The following IKZF2 variants were observed in gnomAD, a reference collection of about 807,000 sequenced individuals.
IKZF2 encodes IKAROS family zinc finger 2.
A neutral mutation model predicts 49.2 loss-of-function variants in IKZF2; 15 were observed. The ratio of observed to expected loss-of-function variants is 0.30; its 90% CI spans 0.20 to 0.47. IKZF2 has a LOEUF of 0.47. Ranked by LOEUF, IKZF2 falls within the 20% of genes least tolerant of loss-of-function variation. IKZF2 has a pLI of 1.00. For synonymous variants in IKZF2, 227 were observed against 221.4 expected (o/e 1.03, Z -0.23); for missense variants, 567 against 664.6 (o/e 0.85, Z 1.61).
At chr2:213,094,856 G>T (rs1705789466) in intron 4 of IKZF2, among the ~76,000 whole-genome samples, 1 of 152,116 alleles carries the variant, frequency 6.6e-6, no homozygotes, top group Non-Finnish European at 1.5e-5. Context: ...CCAGATGACA[G>T]ACTAGGAGAA....
chr2:213,064,673 T>A (rs1250416613), intron 4 of IKZF2, among the ~76,000 whole-genome samples: 1 of 152,030 alleles, frequency 6.6e-6, no homozygotes, highest in Admixed American at 6.6e-5. Flanking sequence ...TATCCCTTTA[T>A]CCAACCTTTC....
chr2:213,063,701 C>G (rs1701912472), intron 4 of IKZF2, among the ~76,000 whole-genome samples: 1 of 151,886 alleles, frequency 6.6e-6, no homozygotes, highest in African/African-American at 2.4e-5. Context: ...TGTTAAGTGG[C>G]TATTGAAAGG....
At chr2:213,015,693 A>C (rs926370526) in intron 7 of IKZF2, among the ~76,000 whole-genome samples, 1 of 152,006 alleles carries the variant, frequency 6.6e-6, no homozygotes, top group Non-Finnish European at 1.5e-5. Flanking sequence ...TATTAGAAAT[A>C]ACAATAAAAC....
Position 213,053,774 on chromosome 2 carries a change from G to A in IKZF2, c.406+3059C>T, listed in dbSNP as rs140994621. On this transcript the variant is annotated intron_variant, in intron 5 of 8. Transcript: ENST00000434687. The stretch of plus-strand genomic sequence containing the variant: ...CCAGTGAAGAGTGCCTGGAGTATCC[G>A]ATGACAATATTACCTGATTACTTAC... 5.4e-3 allele frequency among the ~76,000 whole-genome samples: 824 copies of A among 152,190 alleles called. 3 individuals are homozygous for A. The highest frequency in any genetic ancestry group is 0.014 in the Middle Eastern group (4 of 294).
In IKZF2 at chr2:213,134,271, A is replaced by C. The variant is rs191828909; in HGVS notation, c.139+13437T>G. On this transcript the variant is annotated intron_variant, in intron 4 of 8. Transcript: ENST00000434687. ...TCCTTCTTCATTGCCATCTCCCAAG[A>C]GGGGGAAAAAAAGCAGAGAAAGTTC... Among the ~76,000 whole-genome samples, 26 of 152,286 alleles carry C rather than the reference A, an allele frequency of 1.7e-4. No individual in the cohort carries two copies. The East Asian group carries it at 4.8e-3, about 28-fold the overall frequency.
At chr2:213,088,585 C>T (rs1275358699) in intron 4 of IKZF2, among the ~76,000 whole-genome samples, 1 of 151,984 alleles carries the variant, frequency 6.6e-6, no homozygotes, top group Non-Finnish European at 1.5e-5. Context: ...ATGGTGAAAC[C>T]TCCTCTCTAG....
Position 213,006,214 on chromosome 2 carries a change from A to G in IKZF2, c.*1146T>C, listed in dbSNP as rs1695333011. The G allele has an allele frequency of 1.3e-5, 2 of 152,276 alleles. No homozygotes were observed. Among genetic ancestry groups the G allele is most frequent in the Non-Finnish European group, 2.9e-5 (2 of 67,978 alleles). The allele number at this position is 152,276 out of a possible 1,614,324, so 9.4% of individuals were successfully genotyped here. A position where few individuals can be genotyped will look rare whatever the true frequency, so the allele number is the denominator to read the frequency against. ...GAGGAGATTTTGAAAGAAACAGCCG[A>G]CAGGAAGACTTTTAAGACCTTCTAC... On this transcript the variant is annotated 3_prime_UTR_variant, in exon 9 of 9. Coordinates refer to ENST00000434687, the MANE Select transcript of IKZF2 (RefSeq NM_001387220.1).
chr2:213,094,135 G>A (rs796548648), intron 4 of IKZF2, among the ~76,000 whole-genome samples: 11 of 152,224 alleles, frequency 7.2e-5, no homozygotes, highest in African/African-American at 2.6e-4. Flanking sequence ...GGATTAACAG[G>A]TTAAGCAGAC....
In IKZF2 at chr2:213,007,552, T is replaced by C. The variant is rs970328371; in HGVS notation, c.1389A>G (p.Gly463=). The change falls in exon 9 of 9, where the codon GGA becomes GGG. Residue 463 remains glycine, a synonymous_variant. Transcript: ENST00000434687. ...SLKDIYKVFN[G]EGEQIRAFKC... is the part of the protein sequence containing the mutation. ...TGAAGGCCCTAATCTGTTCTCCTTC[T>C]CCATTGAAGACCTTGTAGATGTCCT... 5 of 1,613,574 alleles carry C rather than the reference T, an allele frequency of 3.1e-6. No individual in the cohort carries two copies. In the African/African-American group the frequency reaches 6.7e-5, roughly 22 times the overall value.
intron 6 of IKZF2, among the ~76,000 whole-genome samples, chr2:213,042,425 C>T (rs193197580): frequency 4.1e-4 from 63 of 152,308 alleles, no homozygotes; most frequent in Non-Finnish European, 7.5e-4. Context: ...ATACGTTCTT[C>T]TTTGGTACGT....
At chr2:213,106,651 A>T (rs2059540257) in intron 4 of IKZF2, among the ~76,000 whole-genome samples, 1 of 151,014 alleles carries the variant, frequency 6.6e-6, no homozygotes, top group African/African-American at 2.4e-5. Flanking sequence ...CTAAAAAAAA[A>T]AAAAAGAAAA....
chr2:213,093,883 T>A (rs1373426256), intron 4 of IKZF2, among the ~76,000 whole-genome samples: 1 of 152,184 alleles, frequency 6.6e-6, no homozygotes, highest in African/African-American at 2.4e-5. Flanking sequence ...TAATACATTA[T>A]AAGACATAAG....
intron 4 of IKZF2, among the ~76,000 whole-genome samples, chr2:213,096,333 A>G (rs1185567832): frequency 1.3e-5 from 2 of 151,992 alleles, no homozygotes; most frequent in Non-Finnish European, 2.9e-5. Flanking sequence ...TTATGAAAGT[A>G]ACAATGCCTC....
intron 7 of IKZF2, among the ~76,000 whole-genome samples, chr2:213,018,496 T>C (rs944421052): frequency 3.9e-5 from 6 of 152,216 alleles, no homozygotes; most frequent in Admixed American, 2.6e-4. Context: ...CTTTTTGGCA[T>C]TGTCATTTCC....
chr2:213,056,370 T>C (rs1275535399), intron 5 of IKZF2, among the ~76,000 whole-genome samples: 1 of 152,152 alleles, frequency 6.6e-6, no homozygotes, highest in Non-Finnish European at 1.5e-5. Context: ...TGTGGTAGGA[T>C]AGGCAGAGAT....
intron 4 of IKZF2, among the ~76,000 whole-genome samples, chr2:213,121,139 G>C (rs1247193084): frequency 6.6e-6 from 1 of 152,100 alleles, no homozygotes; most frequent in Admixed American, 6.5e-5. Context: ...TTTTCATAAA[G>C]TACTAAATAG....
rs1383855161 is a variant in IKZF2, at chr2:213,023,253, G to A, written c.575-1123C>T. Among the ~76,000 whole-genome samples the A allele has an allele frequency of 5.3e-5, 8 of 152,146 alleles. No homozygotes were observed. The East Asian group carries it at 1.5e-3, about 29-fold the overall frequency. ...CTTATAAACCCATGCTATGACACTG[G>A]TCACAAGAGGAACTGAAATACTATA... On this transcript the variant is annotated intron_variant, in intron 6 of 8. Transcript: ENST00000434687.
chr2:213,112,233 A>G (rs2059726700), intron 4 of IKZF2, among the ~76,000 whole-genome samples: 2 of 151,560 alleles, frequency 1.3e-5, no homozygotes, highest in South Asian at 4.2e-4. Context: ...TTTATTTAAC[A>G]ATACATTAAT....
chr2:213,110,669 A>C (rs1018083206), intron 4 of IKZF2, among the ~76,000 whole-genome samples: 1 of 152,026 alleles, frequency 6.6e-6, no homozygotes, highest in Non-Finnish European at 1.5e-5. Flanking sequence ...ATTATAAGAT[A>C]AATTTGTAGA....
Sources: allele counts gnomAD v4.1 joint callset (sites outside exome capture counted in the v4.1 genomes callset), GRCh38; gene constraint gnomAD v4.1.1; transcripts MANE v1.5; gene names NCBI Gene and HGNC (gene_info 2026-07-23, HGNC 2026-07-21).